LIMS1: variants seen among roughly 807,000 people sequenced by gnomAD.
LIMS1 encodes the protein LIM and senescent cell antigen-like-containing domain protein 1.
Under a neutral mutation model 44.1 loss-of-function variants are expected in LIMS1, and 18 were observed. The observed-to-expected ratio is 0.41, with a 90% CI of 0.28 to 0.61. LIMS1 has a LOEUF of 0.61. Ranked by LOEUF, LIMS1 falls within the 20% of genes least tolerant of loss-of-function variation. The probability of loss-of-function intolerance (pLI) is 0.32; values close to 1 mark genes in which losing one functional copy is unlikely to be tolerated. For missense variants in LIMS1, 201 were observed against 422.0 expected (o/e 0.48, Z 4.59); for synonymous variants, 93 against 149.1 (o/e 0.62, Z 2.74).
chr2:108,534,681 G>T (rs1168007549), intron 1 of LIMS1, 87 bp downstream of exon 1: 21 of 806,476 alleles, frequency 2.6e-5, no homozygotes, highest in Admixed American at 6.3e-5. Context: ...GCCTGGCGCG[G>T]GCGGGCGGCC....
At chr2:108,561,427 G>A (rs779931860) in intron 1 of LIMS1, among the ~76,000 whole-genome samples, 1 of 152,102 alleles carries the variant, frequency 6.6e-6, no homozygotes, top group Non-Finnish European at 1.5e-5. Context: ...AGGTCATGTG[G>A]TAAATTAATA....
intron 1 of LIMS1, among the ~76,000 whole-genome samples, chr2:108,576,158 C>T (rs1685664124): frequency 6.6e-6 from 1 of 152,208 alleles, no homozygotes; most frequent in Admixed American, 6.5e-5. Flanking sequence ...TCTTTAAGAT[C>T]ATCACCTTGA....
chr2:108,574,222 AG>A, intron 1 of LIMS1, among the ~76,000 whole-genome samples: 1 of 152,292 alleles, frequency 6.6e-6, no homozygotes, highest in East Asian at 1.9e-4. Context: ...AAATTTCTCT[AG>A]GGGACATGAA....
chr2:108,669,741 C>T (rs1692041134), intron 2 of LIMS1, among the ~76,000 whole-genome samples: 1 of 151,210 alleles, frequency 6.6e-6, no homozygotes, highest in Non-Finnish European at 1.5e-5. Flanking sequence ...AAAAGGAACA[C>T]CCAAAATAGA....
intron 1 of LIMS1, among the ~76,000 whole-genome samples, chr2:108,619,444 G>A (rs888839735): frequency 2.0e-5 from 3 of 151,974 alleles, no homozygotes; most frequent in Non-Finnish European, 4.4e-5. Flanking sequence ...AGCAATTTGG[G>A]AGGCCGAGGC....
At chr2:108,548,886 G>A (rs1482824486) in intron 1 of LIMS1, among the ~76,000 whole-genome samples, 1 of 152,154 alleles carries the variant, frequency 6.6e-6, no homozygotes, top group Admixed American at 6.5e-5. Flanking sequence ...GTTTTGTTTT[G>A]CACTGTCATG....
intron 1 of LIMS1, among the ~76,000 whole-genome samples, chr2:108,566,345 A>T (rs1685288289): frequency 6.6e-6 from 1 of 152,192 alleles, no homozygotes; most frequent in African/African-American, 2.4e-5. Flanking sequence ...AGAATTAAGG[A>T]ATCCAGCTGT....
At chr2:108,661,395 A>G (rs1347185492) in intron 2 of LIMS1, among the ~76,000 whole-genome samples, 2 of 149,554 alleles carry the variant, frequency 1.3e-5, no homozygotes, top group Non-Finnish European at 3.0e-5. Flanking sequence ...GTATCTTCTT[A>G]CAGTTCTTCC....
Position 108,538,078 on chromosome 2 carries a change from A to T in LIMS1, c.32+3484A>T, listed in dbSNP as rs562124601. On this transcript the variant is annotated intron_variant, in intron 1 of 9. Transcript: ENST00000544547. Reference sequence around the variant, plus strand: ...TGTTAGTTTTATAGTTCTCGTAACTACACTTTAAGCTGTGGTTTTCCACCC... The same window carrying T: ...TGTTAGTTTTATAGTTCTCGTAACTTCACTTTAAGCTGTGGTTTTCCACCC... Among the ~76,000 whole-genome samples, 608 of 152,336 alleles carry T rather than the reference A, an allele frequency of 4.0e-3. 3 individuals are homozygous for T. Among genetic ancestry groups the T allele is most frequent in the Non-Finnish European group, 7.2e-3 (489 of 68,014 alleles).
chr2:108,549,825 G>T (rs1444756339), intron 1 of LIMS1, among the ~76,000 whole-genome samples: 1 of 152,146 alleles, frequency 6.6e-6, no homozygotes, highest in Non-Finnish European at 1.5e-5. Flanking sequence ...GATAAAACCT[G>T]TTAGTAAAAT....
chr2:108,604,033 C>CCATTAT (rs1185238851), intron 1 of LIMS1, among the ~76,000 whole-genome samples: 1 of 151,978 alleles, frequency 6.6e-6, no homozygotes, highest in Non-Finnish European at 1.5e-5. Flanking sequence ...TGTTATGTTT[C>CCATTAT]CATTATCATG....
intron 1 of LIMS1, among the ~76,000 whole-genome samples, chr2:108,611,471 G>A (rs1687597710): frequency 6.6e-6 from 1 of 152,012 alleles, no homozygotes; most frequent in Non-Finnish European, 1.5e-5. Context: ...TAGAAATAGT[G>A]CACTTGCTTT....
chr2:108,632,102 G>T (rs755211171), intron 1 of LIMS1, among the ~76,000 whole-genome samples: 32 of 152,160 alleles, frequency 2.1e-4, no homozygotes, highest in Non-Finnish European at 8.8e-5. Flanking sequence ...CTCCTGAGTA[G>T]CTGGGAGTAC....
chr2:108,534,352 C>G (rs1381552711), upstream of LIMS1: 1 of 241,920 alleles, frequency 4.1e-6, no homozygotes, highest in African/African-American at 2.3e-5. Flanking sequence ...CCCCTCCTTG[C>G]CCAGCCGCTC....
At chr2:108,570,158 T>G (rs896770292) in intron 1 of LIMS1, among the ~76,000 whole-genome samples, 3 of 151,886 alleles carry the variant, frequency 2.0e-5, no homozygotes, top group African/African-American at 7.2e-5. Context: ...AGGCCGGGAA[T>G]GGTGGCTCAC....
chr2:108,562,044 T>C (rs1195755371), intron 1 of LIMS1, among the ~76,000 whole-genome samples: 4 of 152,268 alleles, frequency 2.6e-5, no homozygotes, highest in African/African-American at 9.6e-5. Flanking sequence ...GCCCGGCCAG[T>C]GATCAGCAGT....
chr2:108,662,478 C>G, intron 2 of LIMS1: 2 of 1,368,736 alleles, frequency 1.5e-6, no homozygotes, highest in South Asian at 2.9e-5. Context: ...ATACCCAGAA[C>G]TAGGCTATTC....
Position 108,649,080 on chromosome 2 carries a change from C to T in LIMS1, c.33-10525C>T, listed in dbSNP as rs1323810497. On this transcript the variant is annotated intron_variant, in intron 1 of 9. Transcript: ENST00000544547. ...AATGGGAGAAAATTTTTGCAATCTA[C>T]TCATCTGACAAAGGGCTAATATCCA... 2.0e-5 allele frequency among the ~76,000 whole-genome samples: 3 copies of T among 152,122 alleles called. 1 individual carries two copies. The East Asian group carries it at 5.8e-4, about 29-fold the overall frequency.
chr2:108,575,027 A>T (rs112950886), intron 1 of LIMS1, among the ~76,000 whole-genome samples: 3 of 152,162 alleles, frequency 2.0e-5, no homozygotes, highest in Non-Finnish European at 4.4e-5. Context: ...TTAATAATTC[A>T]TATAAGTGTC....
Sources: gnomAD v4.1 joint callset for allele counts (sites outside exome capture counted in the v4.1 genomes callset) on GRCh38, gnomAD v4.1.1 for gene constraint, MANE v1.5 for transcripts, NCBI Gene and HGNC (gene_info 2026-07-23, HGNC 2026-07-21) for gene names.